Variants in SEPTIN14 observed in about 807,000 individuals in gnomAD.
SEPTIN14 encodes the protein septin 14, also known as septin-14.
A neutral mutation model predicts 53.6 loss-of-function variants in SEPTIN14; 40 were observed. The observed-to-expected ratio is 0.75, with a 90% confidence interval of 0.58 to 0.97. The LOEUF is 0.97. Ranked by LOEUF, SEPTIN14 falls within the 50% of genes least tolerant of loss-of-function variation. The pLI, the probability that SEPTIN14 is intolerant of heterozygous loss-of-function variation, is 0.00. For synonymous variants in SEPTIN14, 138 were observed against 166.8 expected (o/e 0.83, Z 1.33); for missense variants, 471 against 508.2 (o/e 0.93, Z 0.70).
chr7:55,828,313 T>C (rs1789025282), intron 6 of SEPTIN14, among the ~76,000 whole-genome samples: 1 of 150,694 alleles, frequency 6.6e-6, no homozygotes, highest in Non-Finnish European at 1.5e-5. Context: ...TTTTTTTTTT[T>C]TTTCTTTTTG....
intron 5 of SEPTIN14, among the ~76,000 whole-genome samples, chr7:55,840,037 C>A (rs1301303196): frequency 6.6e-6 from 1 of 150,908 alleles, no homozygotes; most frequent in East Asian, 1.9e-4. Context: ...CCCAGCTACC[C>A]AGGAGGCTGA....
chr7:55,810,600 T>C (rs1234937176), intron 7 of SEPTIN14, among the ~76,000 whole-genome samples: 1 of 150,336 alleles, frequency 6.7e-6, no homozygotes, highest in African/African-American at 2.4e-5. Flanking sequence ...TCAGCCTCCC[T>C]CCCGAGTAGC....
intron 6 of SEPTIN14, among the ~76,000 whole-genome samples, chr7:55,824,222 T>C (rs1445613083): frequency 1.3e-5 from 2 of 151,864 alleles, no homozygotes; most frequent in African/African-American, 4.8e-5. Context: ...TGAGAGAAAA[T>C]CTTTGCAAAA....
chr7:55,800,039 T>G (rs1334349264), intron 9 of SEPTIN14, among the ~76,000 whole-genome samples: 1 of 152,208 alleles, frequency 6.6e-6, no homozygotes, highest in Non-Finnish European at 1.5e-5. Flanking sequence ...ATGTATCTTT[T>G]TATCATAATA....
intron 7 of SEPTIN14, among the ~76,000 whole-genome samples, chr7:55,811,879 C>T (rs1468635736): frequency 1.3e-5 from 2 of 151,878 alleles, no homozygotes; most frequent in Non-Finnish European, 2.9e-5. Context: ...CTGCCACCTC[C>T]GCCTCCCAGG....
At chr7:55,847,673 G>A (rs2116060328) in intron 2 of SEPTIN14, among the ~76,000 whole-genome samples, 1 of 152,230 alleles carries the variant, frequency 6.6e-6, no homozygotes, top group African/African-American at 2.4e-5. Context: ...TTGTAAGCTG[G>A]AGATCCTCTA....
intron 3 of SEPTIN14, among the ~76,000 whole-genome samples, chr7:55,845,050 A>T (rs1323956016): frequency 2.6e-5 from 4 of 151,856 alleles, no homozygotes; most frequent in Non-Finnish European, 5.9e-5. Context: ...TAGTTATTTT[A>T]TCTGATCCTC....
chr7:55,795,001 C>T lies in SEPTIN14; in HGVS notation c.*912G>A, dbSNP rs1269769450. The T allele has an allele frequency of 1.3e-5, 2 of 152,094 alleles. No individual in the cohort carries two copies. The highest frequency in any genetic ancestry group is 2.9e-5 in the Non-Finnish European group (2 of 68,026). The allele number at this position is 152,094 out of a possible 1,614,324, so 9.4% of individuals were successfully genotyped here. On this transcript the variant is annotated 3_prime_UTR_variant, in exon 10 of 10. Coordinates refer to ENST00000388975, the MANE Select transcript of SEPTIN14 (RefSeq NM_207366.3). ...TGGCATATACCCCAAATCTGTAACA[C>T]ATAATATTATCATTCAAATGCAACT...
At chr7:55,846,064 A>AATATATATATATATATATATAT (rs1562718590) in intron 3 of SEPTIN14, among the ~76,000 whole-genome samples, 2 of 7,380 alleles carry the variant, frequency 2.7e-4, no homozygotes, top group African/African-American at 5.7e-4. Flanking sequence ...AAAAAAAAAA[A>AATATATATATATATATATATAT]GTATATATAT....
chr7:55,848,650 G>T (rs60116691), intron 2 of SEPTIN14, among the ~76,000 whole-genome samples: 8,421 of 137,316 alleles, frequency 0.061, 454 homozygotes, highest in East Asian at 0.25. Flanking sequence ...TCGCTCTGTC[G>T]CCCAGGCTGC....
At chr7:55,804,383 C>T (rs192485423) in intron 9 of SEPTIN14, among the ~76,000 whole-genome samples, 10 of 151,386 alleles carry the variant, frequency 6.6e-5, no homozygotes, top group African/African-American at 1.7e-4. Flanking sequence ...CTCAGCCTCC[C>T]GAGTAGCTGG....
chr7:55,852,932 A>C (rs1789544960), intron 2 of SEPTIN14, among the ~76,000 whole-genome samples: 1 of 152,208 alleles, frequency 6.6e-6, no homozygotes, highest in Non-Finnish European at 1.5e-5. Flanking sequence ...CAGGTATATA[A>C]AAAGGTGCTC....
intron 7 of SEPTIN14, among the ~76,000 whole-genome samples, chr7:55,818,463 ACT>A (rs1788832708): frequency 1.6e-5 from 2 of 125,040 alleles, no homozygotes; most frequent in African/African-American, 7.0e-5. Flanking sequence ...CACGAGTGAA[ACT>A]CTGTCTCAAA....
intron 5 of SEPTIN14, among the ~76,000 whole-genome samples, chr7:55,841,482 G>C (rs1404590777): frequency 6.6e-6 from 1 of 152,068 alleles, no homozygotes; most frequent in African/African-American, 2.4e-5. Flanking sequence ...CGCTTTGGGA[G>C]GCTGAGGCGG....
rs1759090632 is a variant in SEPTIN14 at position 55,798,481 on chromosome 7, G to A, written c.1120-2389C>T. The A allele has an allele frequency of 1.0e-5, 3 of 294,580 alleles. No individual in the cohort carries two copies. In the Admixed American group the frequency reaches 1.3e-4, roughly 13 times the overall value. 18.2% of individuals were successfully genotyped at this position (294,580 alleles called of 1,614,324 possible). A position where few individuals can be genotyped will look rare whatever the true frequency, so the allele number is the denominator to read the frequency against. ...ACAATGATGCTTTCCTCTCCGTCATGTCTCCTGACACCCAGTTGCCTCTAC... is the reference window on the plus strand; with the variant it reads ...ACAATGATGCTTTCCTCTCCGTCATATCTCCTGACACCCAGTTGCCTCTAC... On this transcript the variant is annotated intron_variant, in intron 9 of 9. Coordinates refer to ENST00000388975, the MANE Select transcript of SEPTIN14 (RefSeq NM_207366.3).
intron 5 of SEPTIN14, among the ~76,000 whole-genome samples, chr7:55,841,936 G>A (rs1359025879): frequency 2.6e-5 from 4 of 152,026 alleles, no homozygotes; most frequent in African/African-American, 9.7e-5. Flanking sequence ...TTGGGAGGCT[G>A]AGGCCAGAGA....
At chr7:55,832,531 T>A (rs184901377) in intron 6 of SEPTIN14, among the ~76,000 whole-genome samples, 2 of 151,744 alleles carry the variant, frequency 1.3e-5, no homozygotes, top group African/African-American at 4.8e-5. Flanking sequence ...ACTGGATTTA[T>A]TTTAATATGG....
At chr7:55,823,904 T>A (rs1205068628) in intron 6 of SEPTIN14, among the ~76,000 whole-genome samples, 4 of 133,544 alleles carry the variant, frequency 3.0e-5, no homozygotes, top group Non-Finnish European at 6.5e-5. Context: ...TTTTTTTTTT[T>A]GAGAGAGAGA....
rs150434136 is a variant in SEPTIN14, at chr7:55,862,366, TA to T, written c.-16+321del. Among the ~76,000 whole-genome samples the T allele has an allele frequency of 3.7e-3, 546 of 147,628 alleles. 5 individuals carry two copies. Among genetic ancestry groups the T allele is most frequent in the African/African-American group, 0.013 (512 of 40,308 alleles). The stretch of plus-strand genomic sequence containing the variant: ...AGAAAATTTTGCTTTAAAAAATGGT[TA>T]AAAAAAAAACAAAACAAGACACTCA... On this transcript the variant is annotated intron_variant, in intron 1 of 9. Transcript: ENST00000388975.
Sources: allele counts gnomAD v4.1 joint callset (sites outside exome capture counted in the v4.1 genomes callset), GRCh38; gene constraint gnomAD v4.1.1; transcripts MANE v1.5; gene names NCBI Gene and HGNC (gene_info 2026-07-23, HGNC 2026-07-21).